The following DLGAP1 variants were observed in gnomAD, a reference collection of about 807,000 sequenced individuals.
DLGAP1 encodes disks large-associated protein 1.
In DLGAP1, 11 loss-of-function variants were observed where a neutral mutation model predicts 90.8. The ratio of observed to expected loss-of-function variants is 0.12; its 90% CI spans 0.08 to 0.20. DLGAP1 has a LOEUF of 0.20. Ranked by LOEUF, DLGAP1 falls within the 10% of genes least tolerant of loss-of-function variation. The probability of loss-of-function intolerance (pLI) is 1.00; values close to 1 mark genes in which losing one functional copy is unlikely to be tolerated. For missense variants in DLGAP1, 1,050 were observed against 1,333.8 expected (o/e 0.79, Z 3.31); for synonymous variants, 558 against 540.7 (o/e 1.03, Z -0.44).
intron 7 of DLGAP1, among the ~76,000 whole-genome samples, chr18:3,717,287 G>T (rs1369979847): frequency 6.6e-6 from 1 of 152,096 alleles, no homozygotes; most frequent in African/African-American, 2.4e-5. Context: ...ACAGAGATTT[G>T]AGACCAGGTT....
intron 3 of DLGAP1, among the ~76,000 whole-genome samples, chr18:3,929,374 AT>A (rs1209048453): frequency 2.0e-5 from 3 of 152,218 alleles, no homozygotes; most frequent in East Asian, 3.8e-4. Context: ...AGATTCCACA[AT>A]TCTGACCACT....
At chr18:4,371,021 C>T (rs1424988015) in intron 1 of DLGAP1, among the ~76,000 whole-genome samples, 1 of 152,036 alleles carries the variant, frequency 6.6e-6, no homozygotes, top group African/African-American at 2.4e-5. Context: ...CAGATGCATG[C>T]CATCAAAGTC....
At chr18:3,817,072 C>A (rs1156232940) in intron 4 of DLGAP1, among the ~76,000 whole-genome samples, 1 of 151,766 alleles carries the variant, frequency 6.6e-6, no homozygotes, top group African/African-American at 2.4e-5. Flanking sequence ...TTCAGAGCCT[C>A]ATTATAGGTT....
At chr18:3,605,696 TAAACAGGAAGGGCAGA>T (rs1248492190) in intron 7 of DLGAP1, among the ~76,000 whole-genome samples, 4 of 152,232 alleles carry the variant, frequency 2.6e-5, no homozygotes, top group African/African-American at 9.6e-5. Flanking sequence ...GTCAGATCTG[TAAACAGGAAGGGCAGA>T]ACTCTGATCT....
intron 3 of DLGAP1, among the ~76,000 whole-genome samples, chr18:4,002,304 T>C (rs2074203935): frequency 2.1e-5 from 2 of 95,114 alleles, no homozygotes; most frequent in African/African-American, 7.2e-5. Flanking sequence ...TGTTAACACG[T>C]TTTCTGATGC....
rs1490173151 is a variant in DLGAP1, at chr18:3,600,945, T to G, written c.1592-18697A>C. ...AGATATATATAGATATATAGATAGA[T>G]ATATAGATATATATAGATATATAGA... On this transcript the variant is annotated intron_variant, in intron 7 of 12. Coordinates refer to ENST00000315677, the MANE Select transcript of DLGAP1 (RefSeq NM_004746.4). Among the ~76,000 whole-genome samples, 157 of 96,248 alleles carry G rather than the reference T, an allele frequency of 1.6e-3. 20 individuals carry two copies. The highest frequency in any genetic ancestry group is 3.1e-3 in the Non-Finnish European group (141 of 46,148). The allele number at this position is 96,248 out of a possible 152,430, so 63.1% of individuals were successfully genotyped here.
At chr18:4,341,895 A>T (rs2081196928) in intron 1 of DLGAP1, among the ~76,000 whole-genome samples, 1 of 152,022 alleles carries the variant, frequency 6.6e-6, no homozygotes, top group South Asian at 2.1e-4. Context: ...AATTAAACTG[A>T]TGTGAATTAA....
At chr18:3,835,804 A>T (rs1255884541) in intron 4 of DLGAP1, among the ~76,000 whole-genome samples, 1 of 152,178 alleles carries the variant, frequency 6.6e-6, no homozygotes, top group Non-Finnish European at 1.5e-5. Flanking sequence ...CATGGTTGGA[A>T]AGTTTCCAAT....
intron 3 of DLGAP1, among the ~76,000 whole-genome samples, chr18:3,904,551 A>T (rs368608070): frequency 5.3e-5 from 8 of 152,310 alleles, no homozygotes; most frequent in African/African-American, 1.9e-4. Context: ...AACAGCATTG[A>T]TCATCGGCAT....
At chr18:3,982,972 G>A (rs2073767119) in intron 3 of DLGAP1, 2 of 152,000 alleles carry the variant, frequency 1.3e-5, no homozygotes, top group South Asian at 4.1e-4. Context: ...TTTCACTATT[G>A]CTTGTATCTG....
At chr18:4,171,730 C>T (rs557444187) in intron 1 of DLGAP1, among the ~76,000 whole-genome samples, 2 of 152,254 alleles carry the variant, frequency 1.3e-5, no homozygotes, top group East Asian at 3.9e-4. Context: ...ACCTAGCTTT[C>T]AGTGTTCTCT....
intron 6 of DLGAP1, 61 bp downstream of exon 6, chr18:3,742,274 A>T: frequency 6.3e-7 from 1 of 1,579,630 alleles, no homozygotes; most frequent in Non-Finnish European, 8.6e-7. Context: ...TGCCCTCTCA[A>T]TTCTCACTAA....
intron 1 of DLGAP1, among the ~76,000 whole-genome samples, chr18:4,381,117 T>A (rs530359695): frequency 6.6e-6 from 1 of 152,304 alleles, no homozygotes; most frequent in Admixed American, 6.5e-5. Context: ...CGATTCAAAA[T>A]GGTTGAAATA....
chr18:4,222,793 CAAG>C (rs2144983645), intron 1 of DLGAP1, among the ~76,000 whole-genome samples: 2 of 150,320 alleles, frequency 1.3e-5, no homozygotes, highest in Admixed American at 1.3e-4. Flanking sequence ...TAATGATAGA[CAAG>C]AAAGTGGCAA....
intron 1 of DLGAP1, among the ~76,000 whole-genome samples, chr18:4,290,477 G>A (rs1443414809): frequency 1.3e-5 from 2 of 152,190 alleles, no homozygotes; most frequent in Non-Finnish European, 2.9e-5. Context: ...GCGATGAAAG[G>A]TAACGTGGAC....
rs576145286 is a variant in DLGAP1 at position 3,546,484 on chromosome 18, CT to C, written c.2058-11870del. Among the ~76,000 whole-genome samples, 110 of 148,842 alleles carry C rather than the reference CT, an allele frequency of 7.4e-4. 1 individual carries two copies. The Middle Eastern group carries it at 0.011, about 14-fold the overall frequency. Reference sequence around the variant, plus strand: ...CACACAGAGCATTTAACAAGATAGACTATATTTTGGCCCAAAAAACAAGTTT... The same window carrying C: ...CACACAGAGCATTTAACAAGATAGACATATTTTGGCCCAAAAAACAAGTTT... On this transcript the variant is annotated intron_variant, in intron 9 of 12. Coordinates refer to ENST00000315677, the MANE Select transcript of DLGAP1 (RefSeq NM_004746.4).
At chr18:3,968,401 A>G (rs750558367) in intron 3 of DLGAP1, among the ~76,000 whole-genome samples, 1 of 152,162 alleles carries the variant, frequency 6.6e-6, no homozygotes, top group African/African-American at 2.4e-5. Flanking sequence ...ATCCCTATTA[A>G]TCAGTGTGTC....
intron 2 of DLGAP1, among the ~76,000 whole-genome samples, chr18:4,067,377 G>C (rs777906107): frequency 1.3e-5 from 2 of 151,946 alleles, no homozygotes; most frequent in African/African-American, 2.4e-5. Flanking sequence ...AGGGAGGAAG[G>C]AAGGAAGGAA....
intron 1 of DLGAP1, among the ~76,000 whole-genome samples, chr18:4,245,923 CA>C (rs1471112547): frequency 2.0e-5 from 3 of 146,628 alleles, no homozygotes; most frequent in Non-Finnish European, 4.7e-5. Context: ...TGCAAGTCTC[CA>C]AGTCATCCTC....
Sources: gnomAD v4.1 joint callset for allele counts (sites outside exome capture counted in the v4.1 genomes callset) on GRCh38, gnomAD v4.1.1 for gene constraint, MANE v1.5 for transcripts, NCBI Gene and HGNC (gene_info 2026-07-23, HGNC 2026-07-21) for gene names.